The following ITPR1 variants were observed in gnomAD, a reference collection of about 807,000 sequenced individuals.
The protein encoded by ITPR1 is inositol 1,4,5-trisphosphate receptor type 1.
In ITPR1, 96 loss-of-function variants were observed where a neutral mutation model predicts 318.4. The ratio of observed to expected loss-of-function variants is 0.30; its 90% confidence interval spans 0.26 to 0.36. The LOEUF is 0.36. Ranked by LOEUF, ITPR1 falls within the 10% of genes least tolerant of loss-of-function variation. The pLI is 1.00. For missense variants in ITPR1, 2,440 were observed against 3,460.2 expected, an observed-to-expected ratio of 0.71 and a Z score of 7.40; for synonymous variants, 1,312 against 1,289.9, an observed-to-expected ratio of 1.02 and a Z score of -0.37.
chr3:4,805,675 C>T (rs2048509020), intron 54 of ITPR1, among the ~76,000 whole-genome samples: 1 of 152,306 alleles, frequency 6.6e-6, no homozygotes, highest in African/African-American at 2.4e-5. Flanking sequence ...TGCCACCTTA[C>T]AGTGCCTAGA....
Position 4,681,059 on chromosome 3 carries a change from G to A in ITPR1, c.3107-305G>A, listed in dbSNP as rs1377032285. Among the ~76,000 whole-genome samples the A allele has an allele frequency of 2.0e-5, 3 of 152,138 alleles. No individual in the cohort carries two copies. The East Asian group carries it at 5.8e-4, about 29-fold the overall frequency. ...CACTTTGGAAGTTTTTCCCTGCCCA[G>A]GAACTAGTGGTGACGGGAGATGGTA... is the stretch of plus-strand genomic sequence containing the variant. On this transcript the variant is annotated intron_variant, in intron 25 of 61. Coordinates refer to ENST00000649015, the MANE Select transcript of ITPR1 (RefSeq NM_001378452.1).
chr3:4,825,841 G>A (rs755198105), intron 60 of ITPR1: 1 of 456,444 alleles, frequency 2.2e-6, no homozygotes, highest in Non-Finnish European at 4.4e-6. Flanking sequence ...CCAAGTGCAG[G>A]GGCTGGTGGG....
intron 4 of ITPR1, among the ~76,000 whole-genome samples, chr3:4,524,353 T>G (rs1488010707): frequency 2.0e-5 from 3 of 150,002 alleles, no homozygotes; most frequent in African/African-American, 7.4e-5. Context: ...ATCTCTCTTT[T>G]GGAAGCAATT....
chr3:4,811,064 C>A (rs994547574), intron 55 of ITPR1, among the ~76,000 whole-genome samples: 1 of 152,216 alleles, frequency 6.6e-6, no homozygotes, highest in Non-Finnish European at 1.5e-5. Context: ...TTTCCTGCTT[C>A]CTCTTCTGTG....
rs114439637 is a variant in ITPR1, at chr3:4,545,537, C to A, written c.163+24443C>A. Among the ~76,000 whole-genome samples the A allele has an allele frequency of 2.1e-3, 312 of 149,372 alleles. 1 individual carries two copies. Among genetic ancestry groups the A allele is most frequent in the African/African-American group, 7.4e-3 (299 of 40,140 alleles). On this transcript the variant is annotated intron_variant, in intron 4 of 61. Transcript: ENST00000649015. The stretch of plus-strand genomic sequence containing the variant: ...ACTGAGGAGGCTGAGGTGTAAGGAT[C>A]TCTGGACCCTAGGAGACTGAAGCTG...
rs531755339 is a variant in ITPR1, at chr3:4,706,450, C to T, written c.4842+99C>T. ...GAGCCACAGAGCATCTAAGCTGGGC[C>T]GTGGGAAGATGTCGGTGTGCTGAAC... On this transcript the variant is annotated intron_variant, in intron 37 of 61. Coordinates refer to ENST00000649015, the MANE Select transcript of ITPR1 (RefSeq NM_001378452.1). The T allele has an allele frequency of 3.1e-5, 33 of 1,075,468 alleles. 1 individual carries two copies. The East Asian group carries it at 4.6e-4, about 15-fold the overall frequency. 66.6% of individuals were successfully genotyped at this position (1,075,468 alleles called of 1,614,324 possible).
At chr3:4,813,360 G>T in intron 57 of ITPR1, 126 bp downstream of exon 57, 1 of 642,808 alleles carries the variant, frequency 1.6e-6, no homozygotes, top group East Asian at 2.6e-5. Context: ...AAGGGGAAAG[G>T]CTGAGAAAGA....
intron 4 of ITPR1, among the ~76,000 whole-genome samples, chr3:4,615,373 CTTTTTTTT>C (rs11330102): frequency 1.6e-5 from 2 of 122,828 alleles, no homozygotes; most frequent in Admixed American, 8.4e-5. Context: ...TGATTTCTTT[CTTTTTTTT>C]TTTTTTTTTT....
intron 61 of ITPR1, 80 bp downstream of exon 61, chr3:4,837,015 A>T: frequency 7.9e-7 from 1 of 1,264,334 alleles, no homozygotes; most frequent in Non-Finnish European, 1.1e-6. Flanking sequence ...AAATCTGATG[A>T]GGAAAATCAG....
intron 44 of ITPR1, among the ~76,000 whole-genome samples, chr3:4,747,809 C>T (rs927405366): frequency 1.3e-5 from 2 of 152,206 alleles, no homozygotes; most frequent in East Asian, 1.9e-4. Context: ...TTGACAGCAG[C>T]TCATCTAATT....
chr3:4,821,164 A>G (rs976067560), intron 60 of ITPR1, among the ~76,000 whole-genome samples: 1 of 152,256 alleles, frequency 6.6e-6, no homozygotes, highest in Non-Finnish European at 1.5e-5. Context: ...CAGAGATGGA[A>G]GGAAAAGCAG....
chr3:4,832,814 C>T (rs13096481), intron 60 of ITPR1, among the ~76,000 whole-genome samples: 43,591 of 152,100 alleles, frequency 0.29, 6,669 homozygotes, highest in East Asian at 0.49. Flanking sequence ...ATTACAGGTA[C>T]GCCATGTAGC....
Position 4,735,337 on chromosome 3 carries a change from G to A in ITPR1, c.5527G>A (p.Gly1843Ser). 6.2e-7 allele frequency: 1 copy of A among 1,613,884 alleles called. No homozygotes were observed. The highest frequency in any genetic ancestry group is 8.5e-7 in the Non-Finnish European group (1 of 1,179,836). The change falls in exon 44 of 62, where the codon GGC becomes AGC. Residue 1843 changes from glycine to serine, a missense_variant. Gly to Ser is a moderately conservative substitution (Grantham distance 56). Around this residue, in one of 23 missense-constraint regions of ITPR1, gnomAD observed 80 missense variants for 122.0 expected, o/e 0.66. Coordinates refer to ENST00000649015, the MANE Select transcript of ITPR1 (RefSeq NM_001378452.1). ...ILLAIALLEG[G>S]NTTIQHSFFC... ...CCTGGCCATTGCCCTTCTGGAAGGA[G>A]GCAACACCACCATCCAGGTAGGAAG...
At chr3:4,681,509 G>T in intron 26 of ITPR1, 91 bp downstream of exon 26, 1 of 892,026 alleles carries the variant, frequency 1.1e-6, no homozygotes. Flanking sequence ...TAAATATTTA[G>T]TCTCTGGGCT....
intron 45 of ITPR1, chr3:4,768,261 T>C: frequency 2.6e-6 from 1 of 389,778 alleles, no homozygotes; most frequent in African/African-American, 2.0e-5. Flanking sequence ...GAACCTGTGC[T>C]GAGGCTTTTC....
chr3:4,693,870 G>T, intron 33 of ITPR1, 129 bp downstream of exon 33: 3 of 937,326 alleles, frequency 3.2e-6, no homozygotes, highest in Non-Finnish European at 3.1e-6. Flanking sequence ...AGCTCATTTT[G>T]TAGTGGGATT....
At chr3:4,725,727 A>G in intron 41 of ITPR1, 146 bp downstream of exon 41, 1 of 693,544 alleles carries the variant, frequency 1.4e-6, no homozygotes, top group East Asian at 2.7e-5. Context: ...GGCTGGGAAC[A>G]GATCATTGCT....
intron 4 of ITPR1, among the ~76,000 whole-genome samples, chr3:4,567,029 A>G (rs2087361539): frequency 1.3e-5 from 2 of 152,220 alleles, no homozygotes; most frequent in Admixed American, 1.3e-4. Context: ...GAATGACCTC[A>G]AGAAAGACAT....
At chr3:4,589,899 C>G (rs537279358) in intron 4 of ITPR1, among the ~76,000 whole-genome samples, 1 of 152,304 alleles carries the variant, frequency 6.6e-6, no homozygotes, top group African/African-American at 2.4e-5. Context: ...CTGCCTGCCT[C>G]TGGAAGTGGG....
Sources: gnomAD v4.1 joint callset for allele counts (sites outside exome capture counted in the v4.1 genomes callset) on GRCh38, gnomAD v4.1.1 for gene constraint, gnomAD v4.1.1 regional missense constraint, MANE v1.5 for transcripts, NCBI Gene and HGNC (gene_info 2026-07-23, HGNC 2026-07-21) for gene names.